The following MAPKBP1 variants were observed in gnomAD, a reference collection of about 807,000 sequenced individuals.
The protein encoded by MAPKBP1 is mitogen-activated protein kinase-binding protein 1.
MAPKBP1 carries 71 observed loss-of-function variants against 170.5 expected under a neutral mutation model. The observed-to-expected ratio is 0.42, with a 90% CI of 0.34 to 0.51. The LOEUF (loss-of-function observed/expected upper bound fraction) is 0.51, where lower values mean the gene tolerates loss of function less well. Ranked by LOEUF, MAPKBP1 falls within the 20% of genes least tolerant of loss-of-function variation. The pLI, the probability that MAPKBP1 is intolerant of heterozygous loss-of-function variation, is 0.06. For missense variants in MAPKBP1, 1,598 were observed against 1,933.0 expected (o/e 0.83, Z 3.25); for synonymous variants, 719 against 757.9 (o/e 0.95, Z 0.84).
At chr15:41,816,807 A>C (rs2064899885) in intron 13 of MAPKBP1, 103 bp from the exon 14 acceptor site, 2 of 1,524,814 alleles carry the variant, frequency 1.3e-6, no homozygotes, top group South Asian at 1.2e-5. Flanking sequence ...CATGGTTCAC[A>C]TGGCTTGGGG....
chr15:41,817,502 G>T lies in MAPKBP1; in HGVS notation c.1782+44G>T. On this transcript the variant is annotated intron_variant, in intron 15 of 30. Coordinates refer to ENST00000457542, the MANE Select transcript of MAPKBP1 (RefSeq NM_014994.3). The surrounding 1 kb of genome is among the most constrained non-coding windows in gnomAD (Gnocchi z 4.2). ...CCTGAGAGGGGCGGGACAGGGCGGG[G>T]TCTGCCATTCCCTGCCTAAGGTTAC... is the stretch of plus-strand genomic sequence containing the variant. 11 of 1,612,354 alleles carry T rather than the reference G, an allele frequency of 6.8e-6. No homozygotes were observed. The highest frequency in any genetic ancestry group is 9.3e-6 in the Non-Finnish European group (11 of 1,178,526).
At chr15:41,816,419 C>G (rs769237880) in intron 12 of MAPKBP1, 140 bp from the exon 13 acceptor site, 6 of 611,002 alleles carry the variant, frequency 9.8e-6, no homozygotes, top group Admixed American at 5.5e-5. Flanking sequence ...TATAGACGCT[C>G]TCTGTTCTTT....
At chr15:41,797,741 G>A (rs1236143354) in intron 2 of MAPKBP1, among the ~76,000 whole-genome samples, 1 of 152,164 alleles carries the variant, frequency 6.6e-6, no homozygotes, top group East Asian at 1.9e-4. Flanking sequence ...AGGTGGCTGT[G>A]GGTTGCTGCT....
chr15:41,774,774 G>A (rs995440234), intron 1 of MAPKBP1, 164 bp downstream of exon 1: 7 of 400,028 alleles, frequency 1.7e-5, no homozygotes, highest in Non-Finnish European at 3.1e-5. Context: ...GCTACGGCGA[G>A]CCCCGCCGCG....
Position 41,822,334 on chromosome 15 carries a change from T to G in MAPKBP1, c.3141T>G (p.Tyr1047Ter). 6.2e-7 allele frequency: 1 copy of G among 1,614,040 alleles called. No individual in the cohort carries two copies. The highest frequency in any genetic ancestry group is 8.5e-7 in the Non-Finnish European group (1 of 1,179,992). Residue 1047 changes from tyrosine (Y) to a stop codon, truncating the protein, a stop_gained, in exon 26 of 31, where the codon TAT (tyrosine) becomes TAG (stop). Transcript: ENST00000457542. LOFTEE classifies it high-confidence loss of function. ...EEEEEGGMGP[Y>*]GLQEGSPQTP... ...AAGAGGAGGGAGGCATGGGCCCCTATGGGCTACAGGAGGGCAGCCCCCAGA... is the reference window on the plus strand; with the variant it reads ...AAGAGGAGGGAGGCATGGGCCCCTAGGGGCTACAGGAGGGCAGCCCCCAGA...
intron 2 of MAPKBP1, among the ~76,000 whole-genome samples, chr15:41,789,304 C>A (rs1024772930): frequency 2.7e-5 from 4 of 147,710 alleles, no homozygotes; most frequent in Admixed American, 1.4e-4. Context: ...AAAAAAAAAA[C>A]TACAACTCCA....
Position 41,786,777 on chromosome 15 carries a change from A to AAAATATAT in MAPKBP1, c.114+11389_114+11390insAATATATA. ...CAGACTCCGTCTAAAAAAAAAAAAA[A>AAAATATAT]ATATATATATATATATATATATATA... On this transcript the variant is annotated intron_variant, in intron 2 of 30. Transcript: ENST00000457542. 7.1e-3 allele frequency among the ~76,000 whole-genome samples: 231 copies of AAAATATAT among 32,372 alleles called. 12 individuals carry two copies. The highest frequency in any genetic ancestry group is 0.032 in the East Asian group (39 of 1,238). The allele number at this position is 32,372 out of a possible 152,430, so 21.2% of individuals were successfully genotyped here. A position where few individuals can be genotyped will look rare whatever the true frequency, so the allele number is the denominator to read the frequency against.
chr15:41,822,882 T>C, intron 27 of MAPKBP1, 57 bp from the exon 28 acceptor site: 1 of 1,550,990 alleles, frequency 6.4e-7, no homozygotes, highest in Non-Finnish European at 8.7e-7. Context: ...CTCGCCATTT[T>C]GGCAGGGAGG....
chr15:41,823,050 C>G lies in MAPKBP1; in HGVS notation c.3426C>G (p.Pro1142=), dbSNP rs754917651. The G allele has an allele frequency of 6.2e-7, 1 of 1,613,878 alleles. No individual in the cohort carries two copies. Among genetic ancestry groups the G allele is most frequent in the South Asian group, 1.1e-5 (1 of 91,072 alleles). ...ATGGTGCCAATCCCCCTGGAGCACC[C>G]CCGGAGGTGGAACCGTCCTCTGGCA... The part of the protein sequence containing the change: ...RGNGANPPGA[P]PEVEPSSGNP... The change falls in exon 28 of 31, where the codon CCC becomes CCG. Residue 1142 remains proline, a synonymous_variant. Transcript: ENST00000457542.
intron 3 of MAPKBP1, among the ~76,000 whole-genome samples, chr15:41,802,655 G>A (rs1435087655): frequency 6.6e-6 from 1 of 152,140 alleles, no homozygotes; most frequent in Non-Finnish European, 1.5e-5. Flanking sequence ...TGTATTTTTA[G>A]TAGAGATGGG....
chr15:41,805,614 T>C (rs562619349), intron 3 of MAPKBP1, among the ~76,000 whole-genome samples: 28 of 152,298 alleles, frequency 1.8e-4, no homozygotes, highest in Non-Finnish European at 3.7e-4. Flanking sequence ...GAACCCCTGC[T>C]CTCCTGAGGA....
chr15:41,819,547 C>CAGTG (rs765528665), intron 21 of MAPKBP1, 48 bp from the exon 22 acceptor site: 4 of 1,235,874 alleles, frequency 3.2e-6, no homozygotes, highest in East Asian at 5.6e-5. Flanking sequence ...GGTTGGGTGG[C>CAGTG]GGGGGGGGGG....
At position 41,817,451 on chromosome 15, in the gene MAPKBP1, C is replaced by G; in HGVS notation, c.1775C>G (p.Ala592Gly). 1 of 1,613,464 alleles carries G rather than the reference C, an allele frequency of 6.2e-7. No individual in the cohort carries two copies. Among genetic ancestry groups the G allele is most frequent in the Non-Finnish European group, 8.5e-7 (1 of 1,179,712 alleles). Reference sequence around the variant, plus strand: ...GACAAGAGCATCTACTTCCGCACTGCGCAGAAGGTGAGGGCGCTGGGCTTT... The same window carrying G: ...GACAAGAGCATCTACTTCCGCACTGGGCAGAAGGTGAGGGCGCTGGGCTTT... ...GADKSIYFRTAQKSGDGVQFT... is the reference protein window; with the variant it reads ...GADKSIYFRTGQKSGDGVQFT... Residue 592 changes from alanine (A) to glycine (G), a missense_variant, in exon 15 of 31, where the codon GCG becomes GGG. Physicochemically the swap from Ala to Gly is moderately conservative, Grantham distance 60. Around this residue, in one of 6 missense-constraint regions of MAPKBP1, gnomAD observed 430 missense variants for 617.2 expected, o/e 0.70. Coordinates refer to ENST00000457542, the MANE Select transcript of MAPKBP1 (RefSeq NM_014994.3). This position sits in a 1 kb window ranked among gnomAD's most constrained non-coding sequence, Gnocchi z 4.2.
At chr15:41,810,821 C>T (rs2064791779) in intron 3 of MAPKBP1, 62 bp from the exon 4 acceptor site, 10 of 1,493,722 alleles carry the variant, frequency 6.7e-6, no homozygotes, top group Non-Finnish European at 9.3e-6. Context: ...CCTGGGTGGC[C>T]TGGAGGGCTC....
At chr15:41,791,899 T>C (rs2064402662) in intron 2 of MAPKBP1, among the ~76,000 whole-genome samples, 1 of 151,874 alleles carries the variant, frequency 6.6e-6, no homozygotes, top group Non-Finnish European at 1.5e-5. Flanking sequence ...CTACTAAAAA[T>C]ATAAAATTAG....
Position 41,817,793 on chromosome 15 carries a change from T to C in MAPKBP1, c.1904+58T>C. On this transcript the variant is annotated intron_variant, in intron 16 of 30. Transcript: ENST00000457542. The surrounding 1 kb of genome is among the most constrained non-coding windows in gnomAD (Gnocchi z 4.2). ...TCCTTCATCTCCCTACGGGGTCAGCTCTGTGCAGCTAAGTTCCCACATCTG... is the reference window on the plus strand; with the variant it reads ...TCCTTCATCTCCCTACGGGGTCAGCCCTGTGCAGCTAAGTTCCCACATCTG... The C allele has an allele frequency of 6.3e-7, 1 of 1,596,006 alleles. No homozygotes were observed. Among genetic ancestry groups the C allele is most frequent in the South Asian group, 1.1e-5 (1 of 89,214 alleles).
chr15:41,796,282 C>T (rs542501657), intron 2 of MAPKBP1, among the ~76,000 whole-genome samples: 1 of 152,284 alleles, frequency 6.6e-6, no homozygotes, highest in Admixed American at 6.5e-5. Context: ...GGTGTGTTTG[C>T]AGGGGATGTT....
intron 29 of MAPKBP1, 126 bp from the exon 30 acceptor site, chr15:41,824,358 A>G (rs1308324800): frequency 5.6e-6 from 5 of 891,796 alleles, no homozygotes; most frequent in Admixed American, 2.5e-5. Flanking sequence ...GCCAAGAGGA[A>G]GGGACTGAGG....
rs762474489 is a variant in MAPKBP1 at position 41,823,739 on chromosome 15, A to T, written c.3891A>T (p.Pro1297=). 6.2e-7 allele frequency: 1 copy of T among 1,613,746 alleles called. No homozygotes were observed. The highest frequency in any genetic ancestry group is 1.3e-5 in the African/African-American group (1 of 74,764). ...ACCTGGTCCTGGACATCCCCAAACC[A>T]CTGCCTGACCGTCCTACCCTGGCTG... is the stretch of plus-strand genomic sequence containing the variant. ...RAHLVLDIPK[P]LPDRPTLAAF... Residue 1297 remains proline, a synonymous_variant, in exon 29 of 31, where the codon CCA becomes CCT. Transcript: ENST00000457542.
Sources: allele counts gnomAD v4.1 joint callset (sites outside exome capture counted in the v4.1 genomes callset), GRCh38; gene constraint gnomAD v4.1.1; regional missense constraint gnomAD v4.1.1; non-coding constraint Gnocchi (gnomAD v3.1); transcripts MANE v1.5; gene names NCBI Gene and HGNC (gene_info 2026-07-23, HGNC 2026-07-21).